Variants in CTNNA2 observed in about 807,000 individuals in gnomAD.
CTNNA2 encodes catenin alpha 2, also known as catenin alpha-2.
CTNNA2 carries 42 observed loss-of-function variants against 101.0 expected under a neutral mutation model. The ratio of observed to expected loss-of-function variants is 0.42; its 90% CI spans 0.32 to 0.54. CTNNA2 has a LOEUF of 0.54. Among genes scored for constraint, CTNNA2 ranks in the 20% least tolerant of loss-of-function variants. The probability of loss-of-function intolerance (pLI) is 0.14; values close to 1 mark genes in which losing one functional copy is unlikely to be tolerated. For missense variants in CTNNA2, 871 were observed against 1,223.1 expected, an observed-to-expected ratio of 0.71 and a Z score of 4.29; for synonymous variants, 450 against 456.4, an observed-to-expected ratio of 0.99 and a Z score of 0.18.
At chr2:80,300,152 A>G (rs1487959513) in intron 7 of CTNNA2, among the ~76,000 whole-genome samples, 3 of 151,796 alleles carry the variant, frequency 2.0e-5, no homozygotes, top group Non-Finnish European at 4.4e-5. Flanking sequence ...CAAACAAAGC[A>G]CCTCTCTTCT....
At chr2:80,638,072 T>C (rs1673066847) in intron 18 of CTNNA2, among the ~76,000 whole-genome samples, 1 of 152,206 alleles carries the variant, frequency 6.6e-6, no homozygotes, top group South Asian at 2.1e-4. Flanking sequence ...ATTTGTCTTC[T>C]GGTCATGATG....
rs561158286 is a variant in CTNNA2 at position 80,090,373 on chromosome 2, C to G, written c.1056+180576C>G. Among the ~76,000 whole-genome samples, 105 of 152,124 alleles carry G rather than the reference C, an allele frequency of 6.9e-4. 1 individual carries two copies. The highest frequency in any genetic ancestry group is 2.5e-3 in the African/African-American group (102 of 41,508). ...TAAAGAATAGACAGACAGTCTGCTTCCTGCTACTACAAGCACCATCAAAGG... is the reference window on the plus strand; with the variant it reads ...TAAAGAATAGACAGACAGTCTGCTTGCTGCTACTACAAGCACCATCAAAGG... On this transcript the variant is annotated intron_variant, in intron 7 of 18. Coordinates refer to ENST00000402739, the MANE Select transcript of CTNNA2 (RefSeq NM_001282597.3).
At chr2:79,470,581 T>G (rs542162091) in intron 4 of CTNNA2, among the ~76,000 whole-genome samples, 4 of 152,218 alleles carry the variant, frequency 2.6e-5, no homozygotes, top group Non-Finnish European at 5.9e-5. Flanking sequence ...CACTGGTTTC[T>G]TCACTGGTAA....
At chr2:80,218,935 A>G (rs1708420952) in intron 7 of CTNNA2, among the ~76,000 whole-genome samples, 1 of 152,242 alleles carries the variant, frequency 6.6e-6, no homozygotes, top group Non-Finnish European at 1.5e-5. Flanking sequence ...GGATGATTAC[A>G]CACATTAAAA....
chr2:79,879,494 T>G (rs1320891038), intron 6 of CTNNA2, among the ~76,000 whole-genome samples: 3 of 152,162 alleles, frequency 2.0e-5, no homozygotes, highest in Non-Finnish European at 4.4e-5. Flanking sequence ...TCTTAATTCC[T>G]TGAGCAGTGG....
chr2:80,242,030 C>G (rs1170085490), intron 7 of CTNNA2, among the ~76,000 whole-genome samples: 1 of 152,042 alleles, frequency 6.6e-6, no homozygotes. Flanking sequence ...AATGTTTTAG[C>G]AATATTGAGT....
At chr2:79,607,107 C>G (rs1677943939) in intron 1 of CTNNA2, among the ~76,000 whole-genome samples, 1 of 151,876 alleles carries the variant, frequency 6.6e-6, no homozygotes, top group Non-Finnish European at 1.5e-5. Flanking sequence ...CATGATAACA[C>G]CAAAGGAAAA....
chr2:80,307,157 G>T (rs1375690703), intron 7 of CTNNA2, among the ~76,000 whole-genome samples: 1 of 151,262 alleles, frequency 6.6e-6, no homozygotes, highest in South Asian at 2.1e-4. Flanking sequence ...CACCTCTAAT[G>T]TGGCAAGTTT....
chr2:80,161,784 A>C (rs1704337869), intron 7 of CTNNA2, among the ~76,000 whole-genome samples: 1 of 152,184 alleles, frequency 6.6e-6, no homozygotes, highest in Admixed American at 6.5e-5. Context: ...TTTCATGTAA[A>C]AATATACGTG....
At chr2:80,183,804 T>C (rs1022000448) in intron 7 of CTNNA2, among the ~76,000 whole-genome samples, 7 of 152,306 alleles carry the variant, frequency 4.6e-5, no homozygotes, top group African/African-American at 1.7e-4. Context: ...CTTAACTTTT[T>C]AGATATCAAT....
intron 7 of CTNNA2, among the ~76,000 whole-genome samples, chr2:80,379,595 A>G (rs1676309750): frequency 6.6e-6 from 1 of 152,226 alleles, no homozygotes; most frequent in Admixed American, 6.5e-5. Context: ...GGTTACAAAA[A>G]TAAGTTCCCA....
chr2:79,848,979 A>G (rs1431204269), intron 3 of CTNNA2, among the ~76,000 whole-genome samples: 3 of 151,044 alleles, frequency 2.0e-5, no homozygotes, highest in Admixed American at 6.6e-5. Flanking sequence ...GCTGACCCCC[A>G]CCAACCACCT....
chr2:79,361,775 G>A (rs1360186133), intron 3 of CTNNA2, among the ~76,000 whole-genome samples: 3 of 152,176 alleles, frequency 2.0e-5, no homozygotes, highest in Non-Finnish European at 4.4e-5. Flanking sequence ...TTCAAGGGCA[G>A]GAAGCATCCA....
At chr2:79,232,051 C>CT (rs1054740933) in intron 2 of CTNNA2, among the ~76,000 whole-genome samples, 9 of 152,044 alleles carry the variant, frequency 5.9e-5, no homozygotes, top group Non-Finnish European at 1.2e-4. Context: ...CCTTTTATTT[C>CT]TTTTTCTTCC....
chr2:79,994,488 G>T (rs963324442), intron 7 of CTNNA2, among the ~76,000 whole-genome samples: 20 of 152,064 alleles, frequency 1.3e-4, no homozygotes, highest in African/African-American at 4.6e-4. Flanking sequence ...ATTGCTGGCT[G>T]CTATGGATGG....
chr2:80,428,386 T>C (rs1681184157), intron 9 of CTNNA2, among the ~76,000 whole-genome samples: 1 of 152,182 alleles, frequency 6.6e-6, no homozygotes, highest in South Asian at 2.1e-4. Flanking sequence ...TGTCCAATGA[T>C]ATTGCAATAG....
At chr2:79,568,990 T>C (rs1675298126) in intron 1 of CTNNA2, among the ~76,000 whole-genome samples, 1 of 150,522 alleles carries the variant, frequency 6.6e-6, no homozygotes, top group African/African-American at 2.4e-5. Context: ...GGTGAGATCA[T>C]ACCCCTGCAC....
At chr2:79,739,759 A>G (rs1314568126) in intron 2 of CTNNA2, among the ~76,000 whole-genome samples, 2 of 152,212 alleles carry the variant, frequency 1.3e-5, no homozygotes, top group South Asian at 4.1e-4. Context: ...AATTCCAGCA[A>G]TTGGGCCACC....
chr2:80,109,777 CAG>C lies in CTNNA2; in HGVS notation c.1056+199983_1056+199984del, dbSNP rs201785263. Among the ~76,000 whole-genome samples the C allele has an allele frequency of 5.9e-3, 892 of 152,226 alleles. 6 individuals are homozygous for C. Among genetic ancestry groups the C allele is most frequent in the Middle Eastern group, 0.024 (7 of 294 alleles). On this transcript the variant is annotated intron_variant, in intron 7 of 18. Coordinates refer to ENST00000402739, the MANE Select transcript of CTNNA2 (RefSeq NM_001282597.3). ...CTCTTCTGAGAACTGAGTTGGAACT[CAG>C]AGGCTGGCCAACTCCCAGGGCTCTC...
Sources: gnomAD v4.1 joint callset for allele counts (sites outside exome capture counted in the v4.1 genomes callset) on GRCh38, gnomAD v4.1.1 for gene constraint, MANE v1.5 for transcripts, NCBI Gene and HGNC (gene_info 2026-07-23, HGNC 2026-07-21) for gene names.